The following MYO15A variants were observed in gnomAD, a reference collection of about 807,000 sequenced individuals.
MYO15A encodes myosin XVA.
MYO15A carries 308 observed loss-of-function variants against 394.6 expected under a neutral mutation model. That is an observed-to-expected ratio of 0.78 (90% CI 0.71 to 0.86). The LOEUF is 0.86. Ranked by LOEUF, MYO15A falls within the 40% of genes least tolerant of loss-of-function variation. The pLI is 0.00. For missense variants in MYO15A, 4,606 were observed against 4,799.1 expected (o/e 0.96, Z 1.19); for synonymous variants, 1,957 against 2,003.8 (o/e 0.98, Z 0.62).
rs2046471757 is a variant in MYO15A, at chr17:18,145,931, C to T, written c.6333C>T (p.Asn2111=). Residue 2111 remains asparagine (N), a synonymous_variant, in exon 30 of 66, where the codon AAC becomes AAT. Transcript: ENST00000647165. ...GTGCCCGGGAGAACATCTTCGGGAACTACATCGTGCAGAAGGGGCTGGCGG... is the reference window on the plus strand; with the variant it reads ...GTGCCCGGGAGAACATCTTCGGGAATTACATCGTGCAGAAGGGGCTGGCGG... ...LHGARENIFG[N]YIVQKGLAVP... The T allele has an allele frequency of 6.2e-7, 1 of 1,613,702 alleles. No homozygotes were observed. The highest frequency in any genetic ancestry group is 1.3e-5 in the African/African-American group (1 of 75,018).
intron 60 of MYO15A, 174 bp downstream of exon 60, chr17:18,164,012 T>C: frequency 1.5e-6 from 1 of 675,886 alleles, no homozygotes; most frequent in Non-Finnish European, 2.7e-6. Flanking sequence ...CAGCCCTTTA[T>C]CTGTCCCTTT....
chr17:18,132,444 A>C lies in MYO15A; in HGVS notation c.4207-9A>C, dbSNP rs779559878. 3 of 1,612,922 alleles carry C rather than the reference A, an allele frequency of 1.9e-6. No individual in the cohort carries two copies. In the East Asian group the frequency reaches 6.7e-5, roughly 36 times the overall value. The stretch of plus-strand genomic sequence containing the variant: ...CTCCCTTCTCTGTGCCCACCTACCC[A>C]CTCTACAGGCCAAAAACGAGAGGAA... On this transcript the variant is annotated splice_polypyrimidine_tract_variant and intron_variant, in intron 10 of 65. Transcript: ENST00000647165. This position sits in a 1 kb window ranked among gnomAD's most constrained non-coding sequence, Gnocchi z 4.6.
intron 54 of MYO15A, 30 bp downstream of exon 54, chr17:18,159,377 T>C: frequency 6.2e-7 from 1 of 1,611,558 alleles, no homozygotes. Flanking sequence ...GCCAGGGCTC[T>C]GGGCTAGGTG....
chr17:18,112,368 C>G (rs977440943), intron 1 of MYO15A, among the ~76,000 whole-genome samples: 3 of 150,490 alleles, frequency 2.0e-5, no homozygotes, highest in African/African-American at 7.3e-5. Flanking sequence ...TCTCCAATCC[C>G]TTTTTTTTTC....
rs1470927135 is a variant in MYO15A, at chr17:18,145,884, A to G, written c.6286A>G (p.Met2096Val). The G allele has an allele frequency of 6.2e-7, 1 of 1,613,266 alleles. No individual in the cohort carries two copies. The change falls in exon 30 of 66, where the codon ATG becomes GTG. Residue 2096 changes from methionine to valine, a missense_variant. Around this residue, in one of 2 missense-constraint regions of MYO15A, gnomAD observed 2,776 missense variants for 3,109.3 expected, o/e 0.89. Coordinates refer to ENST00000647165, the MANE Select transcript of MYO15A (RefSeq NM_016239.4). ...GTTCGTGGCCCAGATCCTGCGCTTC[A>G]TGGGCGACCCCCACCTGCATGGTGC... ...VSIFKLILRF[M>V]GDPHLHGARE...
chr17:18,148,201 T>G lies in MYO15A; in HGVS notation c.6682T>G (p.Cys2228Gly). 6.2e-7 allele frequency: 1 copy of G among 1,613,644 alleles called. No homozygotes were observed. The highest frequency in any genetic ancestry group is 8.5e-7 in the Non-Finnish European group (1 of 1,180,028). The change falls in exon 31 of 66, where the codon TGC becomes GGC. Residue 2228 changes from cysteine to glycine, a missense_variant. Cys to Gly is a radical substitution (Grantham distance 159). This residue lies in a region of MYO15A where 2,776 missense variants were observed against 3,109.3 expected (regional missense o/e 0.89). Transcript: ENST00000647165. The surrounding 1 kb of genome is among the most constrained non-coding windows in gnomAD (Gnocchi z 4.8). ...GGCCAGCATGGCGCTGGACGTGGGC[T>G]GCTTCAATGGTAAGCTGCCTTCCCC... is the stretch of plus-strand genomic sequence containing the variant. Reference protein sequence around the residue: ...EKASMALDVGCFNGDQFSCPV... With the variant: ...EKASMALDVGGFNGDQFSCPV...
At chr17:18,114,619 G>A (rs1230154126) in intron 1 of MYO15A, among the ~76,000 whole-genome samples, 2 of 152,038 alleles carry the variant, frequency 1.3e-5, no homozygotes, top group African/African-American at 4.8e-5. Flanking sequence ...ACTGTACTGG[G>A]ACCATTCTTG....
chr17:18,150,713 C>T lies in MYO15A; in HGVS notation c.7343C>T (p.Ala2448Val). ...PEPKPIPGLD[A>V]STLALQQAFI... is the part of the protein sequence containing the mutation. ...CTCCCCTCAGTCCCAGGCCTGGATG[C>T]CTCCACATTGGCTCTGCAGCAAGCC... The change falls in exon 37 of 66, where the codon GCC (alanine) becomes GTC (valine). Residue 2448 changes from alanine (A) to valine (V), a missense_variant. This residue lies in a region of MYO15A where 2,776 missense variants were observed against 3,109.3 expected (regional missense o/e 0.89). Coordinates refer to ENST00000647165, the MANE Select transcript of MYO15A (RefSeq NM_016239.4). This position sits in a 1 kb window ranked among gnomAD's most constrained non-coding sequence, Gnocchi z 4.4. The T allele has an allele frequency of 6.3e-7, 1 of 1,589,682 alleles. No individual in the cohort carries two copies. Among genetic ancestry groups the T allele is most frequent in the Admixed American group, 1.7e-5 (1 of 57,306 alleles).
rs962349967 is a variant in MYO15A, at chr17:18,119,596, C to T, written c.796C>T (p.Pro266Ser). Residue 266 changes from proline to serine, a missense_variant, in exon 2 of 66, where the codon CCC becomes TCC. Pro to Ser is a moderately conservative substitution (Grantham distance 74). This residue lies in a region of MYO15A where 1,830 missense variants were observed against 1,689.7 expected (regional missense o/e 1.08). Coordinates refer to ENST00000647165, the MANE Select transcript of MYO15A (RefSeq NM_016239.4). ...EQEPYLAGLG[P>S]YSPAWPPYGD... ...GGAACCCTACCTGGCGGGCCTCGGC[C>T]CCTACAGCCCGGCCTGGCCACCCTA... 1 of 1,604,116 alleles carries T rather than the reference C, an allele frequency of 6.2e-7. No homozygotes were observed. Among genetic ancestry groups the T allele is most frequent in the Non-Finnish European group, 8.5e-7 (1 of 1,179,934 alleles).
chr17:18,150,891 C>T lies in MYO15A; in HGVS notation c.7451C>T (p.Ala2484Val). Residue 2484 changes from alanine to valine, a missense_variant, in exon 38 of 66, where the codon GCC becomes GTC. Physicochemically the swap from Ala to Val is moderately conservative, Grantham distance 64 (BLOSUM62 0). Transcript: ENST00000647165. This position sits in a 1 kb window ranked among gnomAD's most constrained non-coding sequence, Gnocchi z 4.4. Reference protein sequence around the residue: ...TALQQQPLSAALRSLPAEKPP... With the variant: ...TALQQQPLSAVLRSLPAEKPP... ...CTCCAGCAGCAGCCCCTGAGTGCTGCCCTGAGATCCTTGCCCGCAGAGGTG... is the reference window on the plus strand; with the variant it reads ...CTCCAGCAGCAGCCCCTGAGTGCTGTCCTGAGATCCTTGCCCGCAGAGGTG... 1 of 1,599,956 alleles carries T rather than the reference C, an allele frequency of 6.3e-7. No individual in the cohort carries two copies. The highest frequency in any genetic ancestry group is 8.5e-7 in the Non-Finnish European group (1 of 1,173,604).
At position 18,148,381 on chromosome 17, in the gene MYO15A, G is replaced by A; in HGVS notation, c.6692-115G>A. 1 of 1,470,712 alleles carries A rather than the reference G, an allele frequency of 6.8e-7. No homozygotes were observed. Among genetic ancestry groups the A allele is most frequent in the Non-Finnish European group, 9.3e-7 (1 of 1,079,244 alleles). 91.1% of individuals were successfully genotyped at this position (1,470,712 alleles called of 1,614,324 possible). A position where few individuals can be genotyped will look rare whatever the true frequency, so the allele number is the denominator to read the frequency against. ...GTGGGACCTGGCCCAGGAAAGGGGA[G>A]CCAGGGAAGTGAGGCTACAGATACA... is the stretch of plus-strand genomic sequence containing the variant. On this transcript the variant is annotated intron_variant, in intron 31 of 65. Coordinates refer to ENST00000647165, the MANE Select transcript of MYO15A (RefSeq NM_016239.4). The surrounding 1 kb of genome is among the most constrained non-coding windows in gnomAD (Gnocchi z 4.8).
rs771010764 is a variant in MYO15A at position 18,135,688 on chromosome 17, A to G, written c.4483-23A>G. Reference sequence around the variant, plus strand: ...ATTTAGCCTATCTAGTTCAAAGCACATTCCTGTTGGTATTTTGCATAGACG... The same window carrying G: ...ATTTAGCCTATCTAGTTCAAAGCACGTTCCTGTTGGTATTTTGCATAGACG... On this transcript the variant is annotated intron_variant, in intron 12 of 65. Coordinates refer to ENST00000647165, the MANE Select transcript of MYO15A (RefSeq NM_016239.4). The G allele has an allele frequency of 8.1e-6, 13 of 1,607,740 alleles. No individual in the cohort carries two copies. In the African/African-American group the frequency reaches 9.3e-5, roughly 12 times the overall value.
At chr17:18,135,922 C>A in intron 13 of MYO15A, 98 bp downstream of exon 13, 1 of 1,097,742 alleles carries the variant, frequency 9.1e-7, no homozygotes, top group Non-Finnish European at 1.4e-6. Flanking sequence ...CTCCCTCTCT[C>A]CTGCTCTCTC....
At position 18,147,332 on chromosome 17, in the gene MYO15A, G is replaced by A. The variant is rs1417127921; in HGVS notation, c.6510-697G>A. 6.6e-6 allele frequency among the ~76,000 whole-genome samples: 1 copy of A among 152,228 alleles called. No homozygotes were observed. Among genetic ancestry groups the A allele is most frequent in the East Asian group, 1.9e-4 (1 of 5,204 alleles). ...TCTTGTGACTCTGTGGCAGCTGACA[G>A]CAGGGTAAGGCCGTTGCTGGTCTGC... On this transcript the variant is annotated intron_variant, in intron 30 of 65. Transcript: ENST00000647165. This position sits in a 1 kb window ranked among gnomAD's most constrained non-coding sequence, Gnocchi z 4.4.
At chr17:18,152,219 C>A in intron 42 of MYO15A, 35 bp downstream of exon 42, 1 of 1,537,418 alleles carries the variant, frequency 6.5e-7, no homozygotes, top group East Asian at 2.4e-5. Context: ...GGGAGGGTGT[C>A]CAAGTATATG....
At position 18,150,991 on chromosome 17, in the gene MYO15A, C is replaced by T; in HGVS notation, c.7473+78C>T. 1.2e-6 allele frequency: 2 copies of T among 1,606,002 alleles called. No homozygotes were observed. The highest frequency in any genetic ancestry group is 1.1e-5 in the South Asian group (1 of 91,008). ...AGAGGAATGCTGTGCTGCTCCAGGG[C>T]ACTATTGTGCCTCTTTGAGCCCAGG... is the stretch of plus-strand genomic sequence containing the variant. On this transcript the variant is annotated intron_variant, in intron 38 of 65. Transcript: ENST00000647165. The surrounding 1 kb of genome is among the most constrained non-coding windows in gnomAD (Gnocchi z 4.4).
rs377182808 is a variant in MYO15A, at chr17:18,121,892, C to T, written c.3092C>T (p.Thr1031Ile). 42 of 1,612,894 alleles carry T rather than the reference C, an allele frequency of 2.6e-5. No homozygotes were observed. In the African/African-American group the frequency reaches 5.3e-4, roughly 21 times the overall value. ...PQLPAETKPP[T>I]PAPPKDVTPP... ...CTGCCAGCAGAGACCAAGCCTCCAA[C>T]CCCAGCACCTCCCAAGGATGTCACT... The change falls in exon 2 of 66, where the codon ACC becomes ATC. Residue 1031 changes from threonine to isoleucine, a missense_variant. By Grantham distance (89) the Thr-to-Ile change is moderately conservative. Transcript: ENST00000647165. The surrounding 1 kb of genome is among the most constrained non-coding windows in gnomAD (Gnocchi z 5.3).
intron 16 of MYO15A, 30 bp downstream of exon 16, chr17:18,137,709 C>G (rs1253376509): frequency 1.2e-6 from 2 of 1,605,086 alleles, no homozygotes; most frequent in Non-Finnish European, 8.5e-7. Flanking sequence ...ACTCCTGTCC[C>G]TGTCTTGACT....
chr17:18,172,143 C>G lies in MYO15A; in HGVS notation c.10217-14C>G. On this transcript the variant is annotated splice_polypyrimidine_tract_variant and intron_variant, in intron 63 of 65. Transcript: ENST00000647165. ...CTGCCCAGCACGTAACTGCCACCCC[C>G]TCTCCCTGCCCAGGCCTCCTCAGCG... 5.0e-6 allele frequency: 8 copies of G among 1,614,086 alleles called. No individual in the cohort carries two copies. The highest frequency in any genetic ancestry group is 5.9e-6 in the Non-Finnish European group (7 of 1,180,008).
Sources: gnomAD v4.1 joint callset for allele counts (sites outside exome capture counted in the v4.1 genomes callset) on GRCh38, gnomAD v4.1.1 for gene constraint, gnomAD v4.1.1 regional missense constraint, Gnocchi (gnomAD v3.1) non-coding constraint, MANE v1.5 for transcripts, NCBI Gene and HGNC (gene_info 2026-07-23, HGNC 2026-07-21) for gene names.